ADAMTS17: variants seen among roughly 807,000 people sequenced by gnomAD.
ADAMTS17 encodes A disintegrin and metalloproteinase with thrombospondin motifs 17.
Under a neutral mutation model 141.5 loss-of-function variants are expected in ADAMTS17, and 113 were observed. The ratio of observed to expected loss-of-function variants is 0.80; its 90% confidence interval spans 0.69 to 0.93. ADAMTS17 has a LOEUF of 0.93. ADAMTS17 is among the 40% of genes least tolerant of loss of function. The pLI, the probability that ADAMTS17 is intolerant of heterozygous loss-of-function variation, is 0.00. For missense variants in ADAMTS17, 1,659 were observed against 1,517.9 expected (o/e 1.09, Z -1.54); for synonymous variants, 768 against 630.6 (o/e 1.22, Z -3.27).
At chr15:100,274,750 T>C (rs2044023305) in intron 4 of ADAMTS17, among the ~76,000 whole-genome samples, 1 of 152,246 alleles carries the variant, frequency 6.6e-6, no homozygotes. Context: ...TGGTTCCTCA[T>C]TTCCTGCATT....
chr15:100,000,482 C>A (rs1201948355), intron 18 of ADAMTS17, among the ~76,000 whole-genome samples: 4 of 152,116 alleles, frequency 2.6e-5, no homozygotes, highest in South Asian at 2.1e-4. Context: ...TGGATAGGGA[C>A]AATAAGCACA....
chr15:100,122,012 T>G (rs1460660082), intron 12 of ADAMTS17, among the ~76,000 whole-genome samples: 1 of 152,146 alleles, frequency 6.6e-6, no homozygotes, highest in East Asian at 1.9e-4. Flanking sequence ...CCTCATTCAG[T>G]GGGCCCCAGT....
intron 18 of ADAMTS17, among the ~76,000 whole-genome samples, chr15:100,005,256 G>A (rs1258570522): frequency 1.3e-5 from 2 of 152,166 alleles, no homozygotes; most frequent in African/African-American, 4.8e-5. Flanking sequence ...TAGTGCTACT[G>A]TAACAAATTA....
rs149210336 is a variant in ADAMTS17, at chr15:100,223,454, G to GCT, written c.1076-24033_1076-24032dup. On this transcript the variant is annotated intron_variant, in intron 7 of 21. Coordinates refer to ENST00000268070, the MANE Select transcript of ADAMTS17 (RefSeq NM_139057.4). ...GAAGTATATAACCATGTTTCAAAGT[G>GCT]CTCTCTCTCTCTATACTGGCCCTGA... Among the ~76,000 whole-genome samples the GCT allele has an allele frequency of 6.8e-3, 1,026 of 151,826 alleles. 18 individuals are homozygous for GCT. Among genetic ancestry groups the GCT allele is most frequent in the African/African-American group, 0.024 (992 of 41,354 alleles).
chr15:100,152,900 C>A, intron 9 of ADAMTS17, 138 bp from the exon 10 acceptor site: 3 of 740,802 alleles, frequency 4.0e-6, no homozygotes, highest in Non-Finnish European at 1.8e-6. Context: ...GACGCAGGCA[C>A]TGGACACACA....
chr15:100,204,902 A>G (rs1035770930), intron 7 of ADAMTS17, among the ~76,000 whole-genome samples: 2 of 152,186 alleles, frequency 1.3e-5, no homozygotes, highest in Non-Finnish European at 2.9e-5. Context: ...AGCCTTCCAG[A>G]CTTTCCCCTT....
intron 15 of ADAMTS17, among the ~76,000 whole-genome samples, chr15:100,092,278 G>A (rs569251640): frequency 6.6e-6 from 1 of 152,192 alleles, no homozygotes; most frequent in Non-Finnish European, 1.5e-5. Context: ...GTCAGTTTAT[G>A]TAAGCATTTA....
At chr15:100,038,209 T>C (rs925252481) in intron 18 of ADAMTS17, among the ~76,000 whole-genome samples, 2 of 152,254 alleles carry the variant, frequency 1.3e-5, no homozygotes, top group Non-Finnish European at 2.9e-5. Context: ...GACTGTCAGT[T>C]ATACGCCATT....
chr15:99,992,164 A>G (rs1357178786), intron 20 of ADAMTS17, among the ~76,000 whole-genome samples: 4 of 151,132 alleles, frequency 2.6e-5, no homozygotes, highest in Non-Finnish European at 5.9e-5. Context: ...CTTTCTGCAC[A>G]TGTACCTCAG....
chr15:100,247,256 A>C (rs961526044), intron 7 of ADAMTS17, among the ~76,000 whole-genome samples: 2 of 151,686 alleles, frequency 1.3e-5, no homozygotes, highest in African/African-American at 4.9e-5. Flanking sequence ...CTTACAAGGA[A>C]TAACAATACA....
intron 18 of ADAMTS17, among the ~76,000 whole-genome samples, chr15:100,036,483 C>T (rs1396704279): frequency 6.6e-6 from 1 of 152,220 alleles, no homozygotes; most frequent in South Asian, 2.1e-4. Flanking sequence ...CCCGAGATAT[C>T]GTGAGCTCTG....
At chr15:100,246,941 T>A (rs2043007314) in intron 7 of ADAMTS17, among the ~76,000 whole-genome samples, 1 of 152,130 alleles carries the variant, frequency 6.6e-6, no homozygotes, top group South Asian at 2.1e-4. Flanking sequence ...TGGAGTGCAA[T>A]GGCACAATCT....
At chr15:100,167,443 C>G (rs141820880) in intron 8 of ADAMTS17, among the ~76,000 whole-genome samples, 1 of 152,088 alleles carries the variant, frequency 6.6e-6, no homozygotes, top group Non-Finnish European at 1.5e-5. Context: ...GTGCGGATGC[C>G]GTCATCCGTG....
At chr15:100,152,511 T>C in intron 10 of ADAMTS17, 101 bp downstream of exon 10, 1 of 1,504,502 alleles carries the variant, frequency 6.6e-7, no homozygotes, top group Non-Finnish European at 9.1e-7. Flanking sequence ...TATGTGCCTG[T>C]GCTGAGTGTG....
rs530433123 is a variant in ADAMTS17 at position 100,124,479 on chromosome 15, G to A, written c.1722-7466C>T. ...ACCAGAGAGAATTACTGACAACACC[G>A]GTGTCAGTGAGGACATGGGGCAAGT... On this transcript the variant is annotated intron_variant, in intron 12 of 21. Transcript: ENST00000268070. 9.2e-5 allele frequency among the ~76,000 whole-genome samples: 14 copies of A among 152,308 alleles called. No homozygotes were observed. In the East Asian group the frequency reaches 1.2e-3, roughly 13 times the overall value.
intron 18 of ADAMTS17, among the ~76,000 whole-genome samples, chr15:100,041,866 G>T (rs1364332296): frequency 6.6e-6 from 1 of 152,148 alleles, no homozygotes; most frequent in Non-Finnish European, 1.5e-5. Context: ...ATTAAAGGGA[G>T]ATCAGGAGAA....
At chr15:100,123,373 G>A (rs1208899260) in intron 12 of ADAMTS17, among the ~76,000 whole-genome samples, 2 of 152,176 alleles carry the variant, frequency 1.3e-5, no homozygotes, top group African/African-American at 4.8e-5. Context: ...TAAGAGATTC[G>A]TGATAGAGTT....
rs1282749540 is a variant in ADAMTS17 at position 100,341,131 on chromosome 15, G to A, written c.358C>T (p.Arg120Cys). ...GAGTAGAAGCACAGCTCGGCGGGGC[G>A]GCCGCGGCGCCGGGCCGCGCCCGCC... ...EEAGAARRRG[R>C]PAELCFYSGR... The change falls in exon 2 of 22, where the codon CGC (arginine) becomes TGC (cysteine). Residue 120 changes from arginine to cysteine, a missense_variant. Arg to Cys is a radical substitution (Grantham distance 180). Coordinates refer to ENST00000268070, the MANE Select transcript of ADAMTS17 (RefSeq NM_139057.4). 6 of 1,439,028 alleles carry A rather than the reference G, an allele frequency of 4.2e-6. No individual in the cohort carries two copies. Among genetic ancestry groups the A allele is most frequent in the Middle Eastern group, 2.5e-4 (1 of 4,004 alleles). The allele number at this position is 1,439,028 out of a possible 1,614,324, so 89.1% of individuals were successfully genotyped here.
At chr15:100,043,388 C>A (rs747737187) in intron 18 of ADAMTS17, among the ~76,000 whole-genome samples, 2 of 152,158 alleles carry the variant, frequency 1.3e-5, no homozygotes, top group Non-Finnish European at 2.9e-5. Flanking sequence ...AGGCAGAAAT[C>A]GAATATTTAT....
Sources: gnomAD v4.1 joint callset for allele counts (sites outside exome capture counted in the v4.1 genomes callset) on GRCh38, gnomAD v4.1.1 for gene constraint, MANE v1.5 for transcripts, NCBI Gene and HGNC (gene_info 2026-07-23, HGNC 2026-07-21) for gene names.